The following ZRANB3 variants were observed in gnomAD, a reference collection of about 807,000 sequenced individuals.
ZRANB3 encodes DNA annealing helicase and endonuclease ZRANB3.
Under a neutral mutation model 133.8 loss-of-function variants are expected in ZRANB3, and 125 were observed. The observed-to-expected ratio is 0.93, with a 90% CI of 0.81 to 1.08. ZRANB3 has a LOEUF of 1.08. Ranked by LOEUF, ZRANB3 falls within the 50% of genes least tolerant of loss-of-function variation. The pLI is 0.00. For missense variants in ZRANB3, 1,229 were observed against 1,275.5 expected (o/e 0.96, Z 0.56); for synonymous variants, 387 against 432.7 (o/e 0.89, Z 1.31).
chr2:135,301,228 C>G (rs1181518322), intron 8 of ZRANB3, among the ~76,000 whole-genome samples: 1 of 151,344 alleles, frequency 6.6e-6, no homozygotes, highest in Admixed American at 6.6e-5. Flanking sequence ...TCTTGTTGCC[C>G]AGGTTGGAGT....
intron 2 of ZRANB3, among the ~76,000 whole-genome samples, chr2:135,485,758 T>C (rs750763143): frequency 3.3e-5 from 5 of 152,194 alleles, no homozygotes; most frequent in Non-Finnish European, 5.9e-5. Context: ...ATGTAGCCTA[T>C]TAAGTATGCA....
chr2:135,367,000 G>A (rs111972079), intron 3 of ZRANB3, among the ~76,000 whole-genome samples: 121 of 152,140 alleles, frequency 8.0e-4, no homozygotes, highest in African/African-American at 2.7e-3. Context: ...CAGCCTGGGC[G>A]ACAGAGCGAG....
intron 13 of ZRANB3, chr2:135,228,311 T>TG (rs1694839661): frequency 4.8e-6 from 1 of 206,696 alleles, no homozygotes; most frequent in South Asian, 9.0e-5. Context: ...AACTAAGTTT[T>TG]GTTTTTTTTT....
chr2:135,384,663 T>A (rs1169642228), intron 3 of ZRANB3, among the ~76,000 whole-genome samples: 1 of 152,194 alleles, frequency 6.6e-6, no homozygotes, highest in Non-Finnish European at 1.5e-5. Context: ...GTCGGCTTCA[T>A]CCCTGGGATG....
intron 2 of ZRANB3, among the ~76,000 whole-genome samples, chr2:135,434,170 A>C (rs1471781316): frequency 6.6e-6 from 1 of 152,208 alleles, no homozygotes; most frequent in East Asian, 1.9e-4. Flanking sequence ...TCTCAAAAAA[A>C]AGAAAAGAAA....
At chr2:135,512,736 A>C (rs1422578993) in intron 1 of ZRANB3, among the ~76,000 whole-genome samples, 1 of 151,934 alleles carries the variant, frequency 6.6e-6, no homozygotes. Context: ...TAAAATAAAG[A>C]AAAGCATTTT....
chr2:135,270,207 T>C (rs1260311055), intron 10 of ZRANB3, among the ~76,000 whole-genome samples: 1 of 152,094 alleles, frequency 6.6e-6, no homozygotes, highest in Non-Finnish European at 1.5e-5. Context: ...TTAGAAATAA[T>C]GCTGAAAAAA....
At chr2:135,456,201 A>G (rs1033875341) in intron 2 of ZRANB3, among the ~76,000 whole-genome samples, 1 of 152,222 alleles carries the variant, frequency 6.6e-6, no homozygotes, top group African/African-American at 2.4e-5. Context: ...TTTATTTCCT[A>G]ATCACATAGT....
In ZRANB3 at chr2:135,351,820, T is replaced by C. The variant is rs140593689; in HGVS notation, c.360-1605A>G. Among the ~76,000 whole-genome samples the C allele has an allele frequency of 5.5e-3, 838 of 152,294 alleles. 5 individuals carry two copies. The highest frequency in any genetic ancestry group is 9.0e-3 in the Non-Finnish European group (614 of 68,024). ...GTTTCTTTAAGTACCTGGAAGACATTGGGTAGTTTTTCTGTCCTTAACTAA... is the reference window on the plus strand; with the variant it reads ...GTTTCTTTAAGTACCTGGAAGACATCGGGTAGTTTTTCTGTCCTTAACTAA... On this transcript the variant is annotated intron_variant, in intron 4 of 20. Transcript: ENST00000264159.
chr2:135,197,718 A>C lies in ZRANB3; in HGVS notation c.*2624T>G, dbSNP rs1416167767. 2.0e-5 allele frequency: 3 copies of C among 152,188 alleles called. No homozygotes were observed. The highest frequency in any genetic ancestry group is 4.4e-5 in the Non-Finnish European group (3 of 68,072). 9.4% of individuals were successfully genotyped at this position (152,188 alleles called of 1,614,324 possible). Reference sequence around the variant, plus strand: ...AGTGTGTGAGCCCACCATGCTCCGGAAGTCCTCCCCACCCTACCCCTACCC... The same window carrying C: ...AGTGTGTGAGCCCACCATGCTCCGGCAGTCCTCCCCACCCTACCCCTACCC... On this transcript the variant is annotated 3_prime_UTR_variant, in exon 21 of 21. Coordinates refer to ENST00000264159, the MANE Select transcript of ZRANB3 (RefSeq NM_032143.4).
chr2:135,261,470 A>C (rs1357192594), intron 12 of ZRANB3, among the ~76,000 whole-genome samples: 1 of 152,180 alleles, frequency 6.6e-6, no homozygotes, highest in Non-Finnish European at 1.5e-5. Context: ...AACCAAAACC[A>C]ACAAAAGATC....
At chr2:135,326,271 TTACTGGGG>T (rs1420871484) in intron 6 of ZRANB3, among the ~76,000 whole-genome samples, 1 of 152,202 alleles carries the variant, frequency 6.6e-6, no homozygotes, top group Admixed American at 6.5e-5. Flanking sequence ...TTTCCATAGG[TTACTGGGG>T]TACAGGTGGT....
chr2:135,325,875 A>G (rs930452836), intron 6 of ZRANB3, among the ~76,000 whole-genome samples: 6 of 152,244 alleles, frequency 3.9e-5, no homozygotes, highest in African/African-American at 1.4e-4. Flanking sequence ...AAATATTAGA[A>G]GTTTCTAGAT....
rs1010714631 is a variant in ZRANB3 at position 135,342,005 on chromosome 2, G to C, written c.677+3545C>G. On this transcript the variant is annotated intron_variant, in intron 6 of 20. Transcript: ENST00000264159. ...ACCTTGCCCTACCCATTTGCCTTGT[G>C]ATATTTTATTGCCCTTGAAGCATGT... Among the ~76,000 whole-genome samples the C allele has an allele frequency of 2.4e-4, 36 of 150,032 alleles. 2 individuals carry two copies. Among genetic ancestry groups the C allele is most frequent in the African/African-American group, 9.1e-4 (36 of 39,400 alleles).
intron 8 of ZRANB3, among the ~76,000 whole-genome samples, chr2:135,293,936 G>C (rs1681896299): frequency 6.6e-6 from 1 of 151,690 alleles, no homozygotes; most frequent in African/African-American, 2.4e-5. Flanking sequence ...TTGCTTCCCA[G>C]GGATGAAGCC....
intron 2 of ZRANB3, among the ~76,000 whole-genome samples, chr2:135,428,447 A>C (rs920022871): frequency 2.0e-5 from 3 of 151,590 alleles, no homozygotes; most frequent in African/African-American, 7.3e-5. Flanking sequence ...AAAAAAAAAA[A>C]AATTCATAAT....
At chr2:135,506,667 A>G (rs968951088) in intron 1 of ZRANB3, among the ~76,000 whole-genome samples, 7 of 152,360 alleles carry the variant, frequency 4.6e-5, no homozygotes, top group Middle Eastern at 6.8e-3. Context: ...GATATTTAAT[A>G]GTAAAGATAC....
chr2:135,282,193 T>C (rs1681128618), intron 8 of ZRANB3, among the ~76,000 whole-genome samples: 1 of 152,208 alleles, frequency 6.6e-6, no homozygotes, highest in Non-Finnish European at 1.5e-5. Flanking sequence ...ATTTACTTAC[T>C]ATCCTTTAAA....
At position 135,271,942 on chromosome 2, in the gene ZRANB3, C is replaced by A. The variant is rs1014222808; in HGVS notation, c.1087-55G>T. 60 of 1,474,164 alleles carry A rather than the reference C, an allele frequency of 4.1e-5. No individual in the cohort carries two copies. In the African/African-American group the frequency reaches 7.1e-4, roughly 17 times the overall value. 91.3% of individuals were successfully genotyped at this position (1,474,164 alleles called of 1,614,324 possible). On this transcript the variant is annotated intron_variant, in intron 9 of 20. Transcript: ENST00000264159. ...AGGACAAGGCCCTATGTACCCATCT[C>A]ATTTTATATATTTTACAGCTTATTT...
Sources: allele counts gnomAD v4.1 joint callset (sites outside exome capture counted in the v4.1 genomes callset), GRCh38; gene constraint gnomAD v4.1.1; transcripts MANE v1.5; gene names NCBI Gene and HGNC (gene_info 2026-07-23, HGNC 2026-07-21).